The following DOCK9 variants were observed in gnomAD, a reference collection of about 807,000 sequenced individuals.
DOCK9 encodes the protein dedicator of cytokinesis 9.
A neutral mutation model predicts 263.3 loss-of-function variants in DOCK9; 89 were observed. That is an observed-to-expected ratio of 0.34 (90% CI 0.28 to 0.40). The LOEUF is 0.40. Among genes scored for constraint, DOCK9 ranks in the 10% least tolerant of loss-of-function variants. The pLI is 1.00. For synonymous variants in DOCK9, 976 were observed against 973.1 expected, an observed-to-expected ratio of 1.00 and a Z score of -0.06; for missense variants, 2,140 against 2,603.4, an observed-to-expected ratio of 0.82 and a Z score of 3.87.
intron 3 of DOCK9, among the ~76,000 whole-genome samples, chr13:98,926,175 G>A (rs1295175779): frequency 6.6e-6 from 1 of 152,182 alleles, no homozygotes; most frequent in Non-Finnish European, 1.5e-5. Context: ...GTTTTACAAG[G>A]AGACAACTTC....
intron 1 of DOCK9, among the ~76,000 whole-genome samples, chr13:99,027,672 TG>T (rs1290790843): frequency 6.6e-6 from 1 of 152,246 alleles, no homozygotes; most frequent in Non-Finnish European, 1.5e-5. Context: ...TTACAACCTG[TG>T]TCACACAATA....
rs558657327 is a variant in DOCK9, at chr13:99,032,566, C to T, written c.129+53657G>A. ...CTCTTTGGGAAAGATAAGGCTGAGG[C>T]TAGGTCCTCTTCCTCAACTGAAAGG... On this transcript the variant is annotated intron_variant, in intron 1 of 32. Coordinates refer to the DOCK9 transcript ENST00000427887. 2.0e-5 allele frequency among the ~76,000 whole-genome samples: 3 copies of T among 151,722 alleles called. No individual in the cohort carries two copies. In the East Asian group the frequency reaches 5.8e-4, roughly 29 times the overall value.
At chr13:98,820,362 C>T (rs369542115) in intron 45 of DOCK9, among the ~76,000 whole-genome samples, 1 of 152,168 alleles carries the variant, frequency 6.6e-6, no homozygotes, top group East Asian at 1.9e-4. Context: ...ATGTGAAAAA[C>T]ATGGCATAAA....
intron 7 of DOCK9, among the ~76,000 whole-genome samples, chr13:98,915,712 C>T (rs2050788591): frequency 6.8e-6 from 1 of 148,098 alleles, no homozygotes; most frequent in African/African-American, 2.5e-5. Context: ...CTTTATTTTT[C>T]CTTCTGACTC....
At chr13:99,058,739 T>C (rs887251452) in intron 1 of DOCK9, among the ~76,000 whole-genome samples, 2 of 152,274 alleles carry the variant, frequency 1.3e-5, no homozygotes, top group East Asian at 1.9e-4. Context: ...GGCTGGGTCA[T>C]GCTGCCCTTC....
chr13:98,972,434 T>C lies in DOCK9; in HGVS notation c.126+5350A>G, dbSNP rs184590580. ...ACAAGCGATTTTAGTTTCTATACAC[T>C]GCTACCCAGGAGGTAGCAGTGACTT... On this transcript the variant is annotated intron_variant, in intron 1 of 52. Coordinates refer to ENST00000682017, the MANE Select transcript of DOCK9 (RefSeq NM_001366683.2). Among the ~76,000 whole-genome samples, 56 of 152,262 alleles carry C rather than the reference T, an allele frequency of 3.7e-4. 1 individual carries two copies. Among genetic ancestry groups the C allele is most frequent in the African/African-American group, 1.3e-3 (56 of 41,542 alleles).
intron 1 of DOCK9, chr13:99,025,419 T>C (rs757992495): frequency 7.2e-5 from 11 of 152,046 alleles, no homozygotes; most frequent in Non-Finnish European, 1.0e-4. Flanking sequence ...TGAAGAATCA[T>C]TGGGGAAATG....
At chr13:98,807,893 A>T (rs1469251299) in intron 47 of DOCK9, 86 bp from the exon 48 acceptor site, 65 of 1,130,148 alleles carry the variant, frequency 5.8e-5, no homozygotes, top group Non-Finnish European at 7.4e-5. Context: ...TACAAGGGGG[A>T]AAAAAAGGAA....
At position 98,817,451 on chromosome 13, in the gene DOCK9, C is replaced by CTTTTTTTTTTTTTTTTTTT. The variant is rs10683281; in HGVS notation, c.5130+6928_5130+6946dup. Among the ~76,000 whole-genome samples the CTTTTTTTTTTTTTTTTTTT allele has an allele frequency of 5.1e-5, 5 of 97,630 alleles. 1 individual carries two copies. Among genetic ancestry groups the CTTTTTTTTTTTTTTTTTTT allele is most frequent in the African/African-American group, 2.0e-4 (4 of 20,240 alleles). The allele number at this position is 97,630 out of a possible 152,430, so 64.0% of individuals were successfully genotyped here. ...TGTGAGAACAGACTAATACACCCAG[C>CTTTTTTTTTTTTTTTTTTT]TTTTTTTTTTTTTTTTTTTTTGGTA... On this transcript the variant is annotated intron_variant, in intron 45 of 52. Transcript: ENST00000682017.
chr13:98,909,691 C>T (rs1042473245), intron 9 of DOCK9, among the ~76,000 whole-genome samples: 1 of 152,174 alleles, frequency 6.6e-6, no homozygotes, highest in Non-Finnish European at 1.5e-5. Flanking sequence ...ACAAGCCTAG[C>T]CAGCTCCTTT....
At chr13:98,892,251 C>A (rs1317776173) in intron 15 of DOCK9, among the ~76,000 whole-genome samples, 1 of 152,172 alleles carries the variant, frequency 6.6e-6, no homozygotes, top group African/African-American at 2.4e-5. Flanking sequence ...TCCATTTCTG[C>A]TGACTCAACA....
chr13:98,963,432 C>G (rs1393204316), intron 1 of DOCK9, among the ~76,000 whole-genome samples: 1 of 152,192 alleles, frequency 6.6e-6, no homozygotes, highest in African/African-American at 2.4e-5. Context: ...CAAACATGTA[C>G]AAAACCTCGA....
intron 1 of DOCK9, among the ~76,000 whole-genome samples, chr13:98,996,038 G>T (rs1880956975): frequency 6.6e-6 from 1 of 152,136 alleles, no homozygotes; most frequent in Non-Finnish European, 1.5e-5. Flanking sequence ...GCATATTGAG[G>T]ATTGTGTATT....
chr13:98,989,520 C>G (rs1280913673), intron 1 of DOCK9, among the ~76,000 whole-genome samples: 2 of 152,002 alleles, frequency 1.3e-5, no homozygotes, highest in Non-Finnish European at 2.9e-5. Context: ...AATCACTGAT[C>G]TTAATATAAC....
chr13:98,903,068 T>C lies in DOCK9; in HGVS notation c.1080A>G (p.Glu360=), dbSNP rs942828166. The part of the protein sequence containing the change: ...SSAEPEVKSF[E]EKFGKRILVK... The stretch of plus-strand genomic sequence containing the variant: ...CAAGGATCCTTTTTCCAAACTTCTC[T>C]TCAAATGACTTCACTTCTGGCTCAG... Residue 360 remains glutamate, a synonymous_variant, in exon 11 of 53, where the codon GAA becomes GAG. Coordinates refer to ENST00000682017, the MANE Select transcript of DOCK9 (RefSeq NM_001366683.2). 1 of 1,533,766 alleles carries C rather than the reference T, an allele frequency of 6.5e-7. No individual in the cohort carries two copies. The highest frequency in any genetic ancestry group is 8.8e-7 in the Non-Finnish European group (1 of 1,140,690).
At chr13:98,809,291 TTTTG>T (rs748980202) in intron 47 of DOCK9, 57 bp downstream of exon 47, 7 of 1,436,332 alleles carry the variant, frequency 4.9e-6, no homozygotes, top group African/African-American at 1.4e-5. Flanking sequence ...TTTTTTTTGT[TTTTG>T]TTTTTGTTTT....
chr13:98,867,522 G>A lies in DOCK9; in HGVS notation c.3189C>T (p.Tyr1063=). 1 of 1,607,470 alleles carries A rather than the reference G, an allele frequency of 6.2e-7. No homozygotes were observed. The highest frequency in any genetic ancestry group is 8.5e-7 in the Non-Finnish European group (1 of 1,175,482). Residue 1063 remains tyrosine (Y), a synonymous_variant, in exon 30 of 53, where the codon TAC becomes TAT. Transcript: ENST00000682017. ...ACACTACACGGAGAAATTCAAACTT[G>A]TATTCAAAGAGGGTCTGCAGGAAGA... ...APGDPKTLFE[Y]KFEFLRVVCN...
Position 99,005,472 on chromosome 13 carries a change from G to A in DOCK9, c.130-49921C>T, listed in dbSNP as rs371851158. On this transcript the variant is annotated intron_variant, in intron 1 of 32. Coordinates refer to the DOCK9 transcript ENST00000427887. Reference sequence around the variant, plus strand: ...AGAACACTAAAGAAAAAAATGGGGAGTAGGGGAAAAAGGAAAAGGCCTTAG... The same window carrying A: ...AGAACACTAAAGAAAAAAATGGGGAATAGGGGAAAAAGGAAAAGGCCTTAG... Among the ~76,000 whole-genome samples the A allele has an allele frequency of 1.8e-4, 27 of 152,246 alleles. No homozygotes were observed. The East Asian group carries it at 5.0e-3, about 28-fold the overall frequency.
At chr13:98,900,345 G>C (rs2048085591) in intron 13 of DOCK9, among the ~76,000 whole-genome samples, 1 of 152,158 alleles carries the variant, frequency 6.6e-6, no homozygotes, top group Non-Finnish European at 1.5e-5. Flanking sequence ...TTGGAAATGT[G>C]TTGCATACAC....
Sources: gnomAD v4.1 joint callset for allele counts (sites outside exome capture counted in the v4.1 genomes callset) on GRCh38, gnomAD v4.1.1 for gene constraint, MANE v1.5 for transcripts, NCBI Gene and HGNC (gene_info 2026-07-23, HGNC 2026-07-21) for gene names.